The following CYB561 variants were observed in gnomAD, a reference collection of about 807,000 sequenced individuals.
CYB561 encodes transmembrane ascorbate-dependent reductase CYB561.
A neutral mutation model predicts 25.3 loss-of-function variants in CYB561; 11 were observed. The ratio of observed to expected loss-of-function variants is 0.44; its 90% confidence interval spans 0.27 to 0.72. The LOEUF (loss-of-function observed/expected upper bound fraction) is 0.72, where lower values mean the gene tolerates loss of function less well. CYB561 is among the 30% of genes least tolerant of loss of function. CYB561 has a pLI of 0.18. For synonymous variants in CYB561, 165 were observed against 158.8 expected, an observed-to-expected ratio of 1.04 and a Z score of -0.29; for missense variants, 295 against 334.9, an observed-to-expected ratio of 0.88 and a Z score of 0.93.
intron 1 of CYB561, 187 bp from the exon 2 acceptor site, chr17:63,437,747 T>G: frequency 2.9e-6 from 1 of 339,882 alleles, no homozygotes; most frequent in Non-Finnish European, 5.2e-6. Flanking sequence ...CCCCCCGAAA[T>G]GCGCACAGCC....
chr17:63,443,499 C>A (rs770354976), intron 1 of CYB561, among the ~76,000 whole-genome samples: 11 of 152,212 alleles, frequency 7.2e-5, no homozygotes, highest in Non-Finnish European at 1.5e-4. Flanking sequence ...GAGCTCCTTT[C>A]TCCCACAAGA....
At chr17:63,435,661 C>T in intron 4 of CYB561, 27 bp downstream of exon 4, 1 of 1,596,856 alleles carries the variant, frequency 6.3e-7, no homozygotes, top group Non-Finnish European at 8.6e-7. Context: ...TAGGTGGCCC[C>T]AGGCCCGGGG....
chr17:63,434,633 T>G (rs1599114335), intron 5 of CYB561, 39 bp from the exon 6 acceptor site: 1 of 1,566,938 alleles, frequency 6.4e-7, no homozygotes, highest in Non-Finnish European at 8.7e-7. Context: ...GCCCAAGGGG[T>G]CACAATTAGG....
At position 63,433,691 on chromosome 17, in the gene CYB561, C is replaced by G. The variant is rs1456876523; in HGVS notation, c.*711G>C. The G allele has an allele frequency of 6.2e-6, 2 of 323,090 alleles. No individual in the cohort carries two copies. Among genetic ancestry groups the G allele is most frequent in the Non-Finnish European group, 1.1e-5 (2 of 179,598 alleles). The allele number at this position is 323,090 out of a possible 1,614,324, so 20.0% of individuals were successfully genotyped here. A position where few individuals can be genotyped will look rare whatever the true frequency, so the allele number is the denominator to read the frequency against. On this transcript the variant is annotated 3_prime_UTR_variant, in exon 6 of 6. Transcript: ENST00000360793. ...CCATCCCCAACCCCCATGTCTGGAG[C>G]AGCCTGGGAGGAGGCCCGCCTGCAT... is the stretch of plus-strand genomic sequence containing the variant.
chr17:63,438,452 C>A (rs1473102148), intron 1 of CYB561: 45 of 513,416 alleles, frequency 8.8e-5, no homozygotes, highest in South Asian at 8.7e-4. Context: ...CCGCTCCCCC[C>A]ACGCCCCCGC....
Position 63,434,033 on chromosome 17 carries a change from C to T in CYB561, c.*369G>A. 2 of 250,398 alleles carry T rather than the reference C, an allele frequency of 8.0e-6. No homozygotes were observed. The highest frequency in any genetic ancestry group is 1.5e-5 in the Non-Finnish European group (2 of 131,434). 15.5% of individuals were successfully genotyped at this position (250,398 alleles called of 1,614,324 possible). A position where few individuals can be genotyped will look rare whatever the true frequency, so the allele number is the denominator to read the frequency against. On this transcript the variant is annotated 3_prime_UTR_variant, in exon 6 of 6. Transcript: ENST00000360793. Reference sequence around the variant, plus strand: ...CCTTTCCAGGCCTGTCCCTGAGGCCCCCCCAGTTTCCCCTGGCCTTGCCCC... The same window carrying T: ...CCTTTCCAGGCCTGTCCCTGAGGCCTCCCCAGTTTCCCCTGGCCTTGCCCC...
At position 63,433,868 on chromosome 17, in the gene CYB561, T is replaced by G. The variant is rs1418023278; in HGVS notation, c.*534A>C. ...GCTTCCCAGGGGCCAGTCCCTCCCCTCTCCTGGGGAACCTTGCTTTCACCA... is the reference window on the plus strand; with the variant it reads ...GCTTCCCAGGGGCCAGTCCCTCCCCGCTCCTGGGGAACCTTGCTTTCACCA... On this transcript the variant is annotated 3_prime_UTR_variant, in exon 6 of 6. Transcript: ENST00000360793. 2 of 170,610 alleles carry G rather than the reference T, an allele frequency of 1.2e-5. No homozygotes were observed. Among genetic ancestry groups the G allele is most frequent in the Non-Finnish European group, 2.5e-5 (2 of 81,324 alleles). 10.6% of individuals were successfully genotyped at this position (170,610 alleles called of 1,614,324 possible).
Position 63,435,087 on chromosome 17 carries a change from C to T in CYB561, c.562G>A (p.Gly188Arg), listed in dbSNP as rs776770738. 20 of 1,612,588 alleles carry T rather than the reference C, an allele frequency of 1.2e-5. No individual in the cohort carries two copies. The highest frequency in any genetic ancestry group is 2.2e-5 in the East Asian group (1 of 44,886). The change falls in exon 5 of 6, where the codon GGG (glycine) becomes AGG (arginine). Residue 188 changes from glycine to arginine, a missense_variant and splice_region_variant. Coordinates refer to ENST00000360793, the MANE Select transcript of CYB561 (RefSeq NM_001915.4). ...GLKEALLFNL[G>R]GKYSAFEPEG... is the part of the protein sequence containing the mutation. ...CCCTCTCCCACCCAGGACACTCACC[C>T]GAGGTTGAACAGCAGTGCCTCCTTC...
intron 1 of CYB561, among the ~76,000 whole-genome samples, chr17:63,441,956 A>G (rs2049379654): frequency 6.6e-6 from 1 of 152,166 alleles, no homozygotes; most frequent in Admixed American, 6.5e-5. Context: ...GAGGGCAAAC[A>G]AGCCGAGGAA....
chr17:63,434,254 C>T lies in CYB561; in HGVS notation c.*148G>A. On this transcript the variant is annotated 3_prime_UTR_variant, in exon 6 of 6. Transcript: ENST00000360793. ...AGAAGCAGAGGAGGCGGAGACCTGA[C>T]CCCAGAAAGCAGCACTCAAACAGAT... 1.5e-6 allele frequency: 1 copy of T among 667,420 alleles called. No individual in the cohort carries two copies. The highest frequency in any genetic ancestry group is 2.5e-6 in the Non-Finnish European group (1 of 398,996). 41.3% of individuals were successfully genotyped at this position (667,420 alleles called of 1,614,324 possible).
In CYB561 at chr17:63,440,047, G is replaced by A. The variant is rs896377624; in HGVS notation, c.-13-2487C>T. The A allele has an allele frequency of 1.8e-5, 7 of 398,264 alleles. No homozygotes were observed. In the East Asian group the frequency reaches 1.8e-4, roughly 10 times the overall value. The allele number at this position is 398,264 out of a possible 1,614,324, so 24.7% of individuals were successfully genotyped here. ...ACATTCCCAGGGTGGACGGGAATAC[G>A]GGATTCCAGAAGCCCCAGCCAACAA... On this transcript the variant is annotated intron_variant, in intron 1 of 5. Coordinates refer to ENST00000360793, the MANE Select transcript of CYB561 (RefSeq NM_001915.4).
At chr17:63,435,874 G>C in intron 3 of CYB561, 83 bp from the exon 4 acceptor site, 1 of 1,581,574 alleles carries the variant, frequency 6.3e-7, no homozygotes, top group South Asian at 1.1e-5. Flanking sequence ...CCAGCTAGCG[G>C]GACTTCTGGG....
intron 2 of CYB561, 75 bp downstream of exon 2, chr17:63,437,271 T>A: frequency 8.6e-7 from 1 of 1,163,486 alleles, no homozygotes; most frequent in Non-Finnish European, 1.3e-6. Context: ...ACCGCAGGGG[T>A]GACAAGACCC....
chr17:63,437,787 C>T (rs1483974875), intron 1 of CYB561: 6 of 471,184 alleles, frequency 1.3e-5, no homozygotes, highest in Non-Finnish European at 2.3e-5. Context: ...AACACCCCCC[C>T]CGGGTTGCGC....
At chr17:63,438,091 G>GT (rs1265222798) in intron 1 of CYB561, 1 of 1,533,792 alleles carries the variant, frequency 6.5e-7, no homozygotes, top group Admixed American at 2.0e-5. Flanking sequence ...TGGGGGGAGG[G>GT]GCCCAGCCTC....
Position 63,436,567 on chromosome 17 carries a change from G to A in CYB561, c.203-415C>T, listed in dbSNP as rs921342182. 5 of 185,160 alleles carry A rather than the reference G, an allele frequency of 2.7e-5. No homozygotes were observed. Among genetic ancestry groups the A allele is most frequent in the South Asian group, 1.1e-4 (1 of 9,256 alleles). 11.5% of individuals were successfully genotyped at this position (185,160 alleles called of 1,614,324 possible). On this transcript the variant is annotated intron_variant, in intron 2 of 5. Transcript: ENST00000360793. This position sits in a 1 kb window ranked among gnomAD's most constrained non-coding sequence, Gnocchi z 4.8. ...AGGTGTCCTGCAAATTCCAGGCTGT[G>A]TTTGAGGTCCACTGTTGGTCACACT...
chr17:63,433,913 A>T lies in CYB561; in HGVS notation c.*489T>A, dbSNP rs2049262559. 5.8e-6 allele frequency: 1 copy of T among 171,494 alleles called. No homozygotes were observed. Among genetic ancestry groups the T allele is most frequent in the Non-Finnish European group, 1.2e-5 (1 of 81,674 alleles). 10.6% of individuals were successfully genotyped at this position (171,494 alleles called of 1,614,324 possible). On this transcript the variant is annotated 3_prime_UTR_variant, in exon 6 of 6. Transcript: ENST00000360793. ...TCACCACCAACATACTTTACACATC[A>T]TATCACTTGCTCCTCTGCCAAAGGC...
Position 63,433,983 on chromosome 17 carries a change from T to C in CYB561, c.*419A>G, listed in dbSNP as rs759157140. 1 of 198,106 alleles carries C rather than the reference T, an allele frequency of 5.0e-6. No individual in the cohort carries two copies. Among genetic ancestry groups the C allele is most frequent in the Non-Finnish European group, 1.0e-5 (1 of 98,924 alleles). The allele number at this position is 198,106 out of a possible 1,614,324, so 12.3% of individuals were successfully genotyped here. On this transcript the variant is annotated 3_prime_UTR_variant, in exon 6 of 6. Transcript: ENST00000360793. ...TGTTATTCAGGCTGGAGGGACTCCTTGTTTGAATTCAGCAGCCATCGTGGC... is the reference window on the plus strand; with the variant it reads ...TGTTATTCAGGCTGGAGGGACTCCTCGTTTGAATTCAGCAGCCATCGTGGC...
At chr17:63,444,207 A>AT (rs144869277) in intron 1 of CYB561, among the ~76,000 whole-genome samples, 4 of 151,818 alleles carry the variant, frequency 2.6e-5, no homozygotes, top group Non-Finnish European at 4.4e-5. Context: ...AATTGTTATT[A>AT]TTTTTTTTAT....
Sources: allele counts gnomAD v4.1 joint callset (sites outside exome capture counted in the v4.1 genomes callset), GRCh38; gene constraint gnomAD v4.1.1; non-coding constraint Gnocchi (gnomAD v3.1); transcripts MANE v1.5; gene names NCBI Gene and HGNC (gene_info 2026-07-23, HGNC 2026-07-21).